The following DENND1C variants were observed in gnomAD, a reference collection of about 807,000 sequenced individuals.
DENND1C encodes DENN domain containing 1C, also known as DENN domain-containing protein 1C.
In DENND1C, 64 loss-of-function variants were observed where a neutral mutation model predicts 87.9. The observed-to-expected ratio is 0.73, with a 90% CI of 0.60 to 0.90. The LOEUF (loss-of-function observed/expected upper bound fraction) is 0.90. Among genes scored for constraint, DENND1C ranks in the 40% least tolerant of loss-of-function variants. The pLI, the probability that DENND1C is intolerant of heterozygous loss-of-function variation, is 0.00. For synonymous variants in DENND1C, 384 were observed against 424.4 expected, an observed-to-expected ratio of 0.90 and a Z score of 1.17; for missense variants, 980 against 1,037.0, an observed-to-expected ratio of 0.95 and a Z score of 0.76.
At chr19:6,476,236 A>C in intron 10 of DENND1C, 2 of 389,982 alleles carry the variant, frequency 5.1e-6, no homozygotes, top group Non-Finnish European at 4.6e-6. Context: ...CTGAGCCTCC[A>C]CTGACTCCAC....
intron 20 of DENND1C, 57 bp downstream of exon 20, chr19:6,468,789 G>A: frequency 6.9e-7 from 1 of 1,450,264 alleles, no homozygotes; most frequent in Non-Finnish European, 9.2e-7. Context: ...GGACTGGGAT[G>A]GGTAGAGGAT....
chr19:6,480,295 TTG>T (rs1913459153), intron 1 of DENND1C: 1 of 1,411,938 alleles, frequency 7.1e-7, no homozygotes, highest in African/African-American at 1.4e-5. Flanking sequence ...CTGTGTATGA[TTG>T]TGTGTGGCTG....
At chr19:6,470,192 T>G (rs1375648888) in intron 18 of DENND1C, 103 bp downstream of exon 18, 17 of 1,138,396 alleles carry the variant, frequency 1.5e-5, no homozygotes, top group Non-Finnish European at 2.1e-5. Flanking sequence ...GTGTTTAAAG[T>G]GTCTGCCAGG....
intron 10 of DENND1C, chr19:6,476,452 T>G: frequency 5.5e-6 from 1 of 183,202 alleles, no homozygotes; most frequent in Non-Finnish European, 1.1e-5. Flanking sequence ...CGCCCCTTGT[T>G]ATCTGAGTCC....
At chr19:6,470,833 G>A (rs1055659733) in intron 17 of DENND1C, among the ~76,000 whole-genome samples, 13 of 151,876 alleles carry the variant, frequency 8.6e-5, no homozygotes, top group East Asian at 3.9e-4. Context: ...TGTTGGCCAG[G>A]ATGGTCTCGA....
chr19:6,467,397 T>A lies in DENND1C; in HGVS notation c.*107A>T. ...GGGACAGAGGTGGGTGGGATGGATTTCCGAGCAGAGTGAGGGCACCAGAGA... is the reference window on the plus strand; with the variant it reads ...GGGACAGAGGTGGGTGGGATGGATTACCGAGCAGAGTGAGGGCACCAGAGA... On this transcript the variant is annotated 3_prime_UTR_variant, in exon 23 of 23. Transcript: ENST00000381480. 7.2e-7 allele frequency: 1 copy of A among 1,389,208 alleles called. No individual in the cohort carries two copies. 86.1% of individuals were successfully genotyped at this position (1,389,208 alleles called of 1,614,324 possible). A position where few individuals can be genotyped will look rare whatever the true frequency, so the allele number is the denominator to read the frequency against.
chr19:6,479,092 T>C, intron 4 of DENND1C, 36 bp from the exon 5 acceptor site: 2 of 1,612,166 alleles, frequency 1.2e-6, no homozygotes, highest in Non-Finnish European at 1.7e-6. Flanking sequence ...GACCTGGACA[T>C]CCCAGCTGTC....
In DENND1C at chr19:6,467,409, G is replaced by C; in HGVS notation, c.*95C>G. The C allele has an allele frequency of 7.1e-7, 1 of 1,417,092 alleles. No homozygotes were observed. 87.8% of individuals were successfully genotyped at this position (1,417,092 alleles called of 1,614,324 possible). A position where few individuals can be genotyped will look rare whatever the true frequency, so the allele number is the denominator to read the frequency against. On this transcript the variant is annotated 3_prime_UTR_variant, in exon 23 of 23. Coordinates refer to ENST00000381480, the MANE Select transcript of DENND1C (RefSeq NM_024898.4). ...GGTGGGATGGATTTCCGAGCAGAGT[G>C]AGGGCACCAGAGAAATTCACCAGGA... is the stretch of plus-strand genomic sequence containing the variant.
rs537432588 is a variant in DENND1C at position 6,471,504 on chromosome 19, G to A, written c.1159-8C>T. On this transcript the variant is annotated splice_region_variant and splice_polypyrimidine_tract_variant and intron_variant, in intron 15 of 22. Transcript: ENST00000381480. ...CAGCCGGGCTTCGATGAACTGGGGT[G>A]GGGGACAGTAAATCAGAAACAGCAG... 5.2e-6 allele frequency: 8 copies of A among 1,541,984 alleles called. No individual in the cohort carries two copies. Among genetic ancestry groups the A allele is most frequent in the Non-Finnish European group, 7.0e-6 (8 of 1,142,342 alleles).
Position 6,471,499 on chromosome 19 carries a change from G to C in DENND1C, c.1159-3C>G. ...TTCTCCAGCCGGGCTTCGATGAACT[G>C]GGGTGGGGGACAGTAAATCAGAAAC... On this transcript the variant is annotated splice_region_variant and splice_polypyrimidine_tract_variant and intron_variant, in intron 15 of 22. Transcript: ENST00000381480. 1 of 1,549,458 alleles carries C rather than the reference G, an allele frequency of 6.5e-7. No homozygotes were observed. The highest frequency in any genetic ancestry group is 8.7e-7 in the Non-Finnish European group (1 of 1,146,156).
intron 4 of DENND1C, among the ~76,000 whole-genome samples, chr19:6,479,360 G>A (rs2092884292): frequency 1.4e-5 from 2 of 142,980 alleles, no homozygotes; most frequent in Non-Finnish European, 3.0e-5. Flanking sequence ...TGGTCCCTGA[G>A]TTTCTGAGTC....
chr19:6,473,816 G>GGGGGGGGGGGGGGGCAT, intron 14 of DENND1C, among the ~76,000 whole-genome samples: 1 of 131,696 alleles, frequency 7.6e-6, no homozygotes, highest in African/African-American at 2.8e-5. Context: ...GGGGGGTGGG[G>GGGGGGGGGGGGGGGCAT]GGAGGGAAAT....
rs1269558106 is a variant in DENND1C, at chr19:6,471,319, A to G, written c.1250-14T>C. The G allele has an allele frequency of 1.3e-6, 2 of 1,597,116 alleles. No individual in the cohort carries two copies. Among genetic ancestry groups the G allele is most frequent in the South Asian group, 1.1e-5 (1 of 88,378 alleles). On this transcript the variant is annotated splice_polypyrimidine_tract_variant and intron_variant, in intron 16 of 22. Transcript: ENST00000381480. ...ATCGAAGGGCCCCTGGGGTAAGGAG[A>G]GAGTGTGGTGGTCACCGAAGGCTGG... is the stretch of plus-strand genomic sequence containing the variant.
chr19:6,470,164 G>T, intron 18 of DENND1C, 131 bp downstream of exon 18: 4 of 874,978 alleles, frequency 4.6e-6, no homozygotes, highest in Non-Finnish European at 7.2e-6. Context: ...TGCTGGTTCA[G>T]TTCTGATTAA....
In DENND1C at chr19:6,476,317, C is replaced by A. The variant is rs192800094; in HGVS notation, c.679-380G>T. 1.4e-3 allele frequency: 303 copies of A among 216,088 alleles called. 2 individuals are homozygous for A. Among genetic ancestry groups the A allele is most frequent in the African/African-American group, 6.5e-3 (283 of 43,362 alleles). 13.4% of individuals were successfully genotyped at this position (216,088 alleles called of 1,614,324 possible). Reference sequence around the variant, plus strand: ...CTAGGGGTGGATCCAAGACGTAACCCCACCCAAAGAGGTGGAGCCGGAAGG... The same window carrying A: ...CTAGGGGTGGATCCAAGACGTAACCACACCCAAAGAGGTGGAGCCGGAAGG... On this transcript the variant is annotated intron_variant, in intron 10 of 22. Coordinates refer to ENST00000381480, the MANE Select transcript of DENND1C (RefSeq NM_024898.4).
intron 18 of DENND1C, 73 bp downstream of exon 18, chr19:6,470,222 G>C: frequency 6.9e-7 from 1 of 1,458,470 alleles, no homozygotes; most frequent in Non-Finnish European, 9.4e-7. Flanking sequence ...CTCCATCCTT[G>C]GGAGGTCAAA....
At chr19:6,475,251 C>T (rs981034649) in intron 14 of DENND1C, 23 bp downstream of exon 14, 1 of 1,611,872 alleles carries the variant, frequency 6.2e-7, no homozygotes, top group Non-Finnish European at 8.5e-7. Context: ...CGAGACCTCT[C>T]CCGCAGCGTC....
At chr19:6,473,915 C>T (rs1033285384) in intron 14 of DENND1C, among the ~76,000 whole-genome samples, 1 of 152,004 alleles carries the variant, frequency 6.6e-6, no homozygotes, top group Non-Finnish European at 1.5e-5. Flanking sequence ...TTGCAGGAGG[C>T]CGGGCGCGGT....
rs776008575 is a variant in DENND1C at position 6,467,689 on chromosome 19, G to C, written c.2221C>G (p.Pro741Ala). 6.6e-7 allele frequency: 1 copy of C among 1,521,346 alleles called. No homozygotes were observed. Among genetic ancestry groups the C allele is most frequent in the Admixed American group, 2.3e-5 (1 of 44,138 alleles). The allele number at this position is 1,521,346 out of a possible 1,614,324, so 94.2% of individuals were successfully genotyped here. A position where few individuals can be genotyped will look rare whatever the true frequency, so the allele number is the denominator to read the frequency against. Residue 741 changes from proline (P) to alanine (A), a missense_variant, in exon 23 of 23, where the codon CCC becomes GCC. By Grantham distance (27) the Pro-to-Ala change is conservative (BLOSUM62 -1). Transcript: ENST00000381480. Reference protein sequence around the residue: ...TSQPLDPSSDPSSLEDPRARP... With the variant: ...TSQPLDPSSDASSLEDPRARP... ...GCTCTGGGGTCCTCCAGAGAACTGGGGTCTGAGGAAGGATCAAGGGGCTGG... is the reference window on the plus strand; with the variant it reads ...GCTCTGGGGTCCTCCAGAGAACTGGCGTCTGAGGAAGGATCAAGGGGCTGG...
Sources: allele counts gnomAD v4.1 joint callset (sites outside exome capture counted in the v4.1 genomes callset), GRCh38; gene constraint gnomAD v4.1.1; transcripts MANE v1.5; gene names NCBI Gene and HGNC (gene_info 2026-07-23, HGNC 2026-07-21).